LRRTM3: variants seen among roughly 807,000 people sequenced by gnomAD.
The protein encoded by LRRTM3 is leucine rich repeat transmembrane neuronal 3.
In LRRTM3, 24 loss-of-function variants were observed where a neutral mutation model predicts 44.7. The observed-to-expected ratio is 0.54, with a 90% CI of 0.39 to 0.76. LRRTM3 has a LOEUF of 0.76. Among genes scored for constraint, LRRTM3 ranks in the 30% least tolerant of loss-of-function variants. The pLI is 0.00. For missense variants in LRRTM3, 587 were observed against 702.2 expected (o/e 0.84, Z 1.85); for synonymous variants, 277 against 278.7 (o/e 0.99, Z 0.06).
Position 67,060,266 on chromosome 10 carries a change from C to T in LRRTM3, c.1537-37321C>T, listed in dbSNP as rs180764190. Among the ~76,000 whole-genome samples, 380 of 151,986 alleles carry T rather than the reference C, an allele frequency of 2.5e-3. 2 individuals carry two copies. Among genetic ancestry groups the T allele is most frequent in the Non-Finnish European group, 7.5e-4 (51 of 67,970 alleles). ...CTGGGAGGTAGAGGCTGCAGTGAGC[C>T]GAGATTGTGCCACTATACTCCAGCC... On this transcript the variant is annotated intron_variant, in intron 2 of 2. Coordinates refer to ENST00000361320, the MANE Select transcript of LRRTM3 (RefSeq NM_178011.5).
chr10:67,070,859 C>T (rs1303244328), intron 2 of LRRTM3, among the ~76,000 whole-genome samples: 2 of 152,068 alleles, frequency 1.3e-5, no homozygotes, highest in African/African-American at 2.4e-5. Context: ...TTACTATATT[C>T]TTTTTTTCTC....
chr10:66,959,474 C>T (rs998719067), intron 2 of LRRTM3, among the ~76,000 whole-genome samples: 1 of 152,038 alleles, frequency 6.6e-6, no homozygotes, highest in Admixed American at 6.6e-5. Context: ...GCCAAGAGAA[C>T]AAAAATATGC....
intron 2 of LRRTM3, among the ~76,000 whole-genome samples, chr10:67,080,827 T>C (rs1404680498): frequency 6.6e-6 from 1 of 151,368 alleles, no homozygotes; most frequent in African/African-American, 2.4e-5. Context: ...GAGAATGGCG[T>C]GAACCCGGGA....
chr10:67,042,668 G>A (rs2133151846), intron 2 of LRRTM3, among the ~76,000 whole-genome samples: 1 of 152,020 alleles, frequency 6.6e-6, no homozygotes, highest in Non-Finnish European at 1.5e-5. Flanking sequence ...GGTGAGGAAA[G>A]GTAAGAGTGG....
chr10:67,100,982 A>T lies in LRRTM3; in HGVS notation c.*3186A>T, dbSNP rs1858304086. On this transcript the variant is annotated 3_prime_UTR_variant, in exon 3 of 3. Transcript: ENST00000361320. Reference sequence around the variant, plus strand: ...GAATATATATCTATATATATTTGACATGTTGTTTAGTAATCCCTATTTTAA... The same window carrying T: ...GAATATATATCTATATATATTTGACTTGTTGTTTAGTAATCCCTATTTTAA... 6.6e-6 allele frequency among the ~76,000 whole-genome samples: 1 copy of T among 151,722 alleles called. No individual in the cohort carries two copies. Among genetic ancestry groups the T allele is most frequent in the Non-Finnish European group, 1.5e-5 (1 of 67,808 alleles).
intron 2 of LRRTM3, among the ~76,000 whole-genome samples, chr10:67,044,487 A>G (rs1279877284): frequency 6.6e-6 from 1 of 152,178 alleles, no homozygotes; most frequent in African/African-American, 2.4e-5. Flanking sequence ...ATGCAATGTT[A>G]GAAAGATCAC....
intron 2 of LRRTM3, among the ~76,000 whole-genome samples, chr10:66,984,277 G>T (rs1039112474): frequency 7.2e-5 from 11 of 152,194 alleles, no homozygotes; most frequent in African/African-American, 1.9e-4. Context: ...AAATCCAGAA[G>T]ATAGTTGATA....
intron 2 of LRRTM3, among the ~76,000 whole-genome samples, chr10:66,932,898 C>T (rs2204245): frequency 0.61 from 93,085 of 151,994 alleles, 30,638 homozygotes; most frequent in East Asian, 0.97. Context: ...TGGTAGAATA[C>T]GGGCCTTAGA....
At chr10:67,034,789 G>C (rs564198719) in intron 2 of LRRTM3, among the ~76,000 whole-genome samples, 52 of 152,176 alleles carry the variant, frequency 3.4e-4, no homozygotes, top group African/African-American at 1.2e-3. Context: ...TTTACAATTT[G>C]ACCCCCAACC....
rs572849021 is a variant in LRRTM3 at position 66,980,099 on chromosome 10, T to C, written c.1536+51647T>C. On this transcript the variant is annotated intron_variant, in intron 2 of 2. Transcript: ENST00000361320. ...ATAACTTGTAAAGCACCAACTGTAT[T>C]TCCTGGTTACTAATCAAATTTGTTT... is the stretch of plus-strand genomic sequence containing the variant. Among the ~76,000 whole-genome samples, 9 of 152,308 alleles carry C rather than the reference T, an allele frequency of 5.9e-5. No individual in the cohort carries two copies. In the South Asian group the frequency reaches 1.9e-3, roughly 32 times the overall value.
intron 2 of LRRTM3, among the ~76,000 whole-genome samples, chr10:66,948,961 T>C (rs1051344998): frequency 6.6e-6 from 1 of 152,198 alleles, no homozygotes; most frequent in Admixed American, 6.5e-5. Context: ...CCAGATCAGA[T>C]AAATTATAAT....
chr10:67,024,813 A>C (rs2133086024), intron 2 of LRRTM3, among the ~76,000 whole-genome samples: 1 of 152,274 alleles, frequency 6.6e-6, no homozygotes, highest in Non-Finnish European at 1.5e-5. Context: ...GTTATTTATA[A>C]CCAATATTAA....
At chr10:66,935,895 T>G (rs1847668384) in intron 2 of LRRTM3, among the ~76,000 whole-genome samples, 2 of 152,146 alleles carry the variant, frequency 1.3e-5, no homozygotes, top group Admixed American at 1.3e-4. Flanking sequence ...CTAAAATAAT[T>G]TATACCCCAC....
chr10:66,986,840 G>A (rs1564814180), intron 2 of LRRTM3, among the ~76,000 whole-genome samples: 1 of 152,122 alleles, frequency 6.6e-6, no homozygotes, highest in Non-Finnish European at 1.5e-5. Flanking sequence ...TTTAACAGAT[G>A]TTTATTGAAC....
intron 2 of LRRTM3, among the ~76,000 whole-genome samples, chr10:66,990,616 A>G (rs1188338984): frequency 6.6e-6 from 1 of 152,172 alleles, no homozygotes; most frequent in African/African-American, 2.4e-5. Flanking sequence ...ATGTTGCTCA[A>G]GATGACTCAG....
chr10:66,998,831 C>T (rs1170108348), intron 2 of LRRTM3, among the ~76,000 whole-genome samples: 1 of 151,968 alleles, frequency 6.6e-6, no homozygotes, highest in Non-Finnish European at 1.5e-5. Flanking sequence ...GTGGGAGATA[C>T]AAATAATGCA....
chr10:67,036,559 G>C (rs1048652479), intron 2 of LRRTM3, among the ~76,000 whole-genome samples: 2 of 151,964 alleles, frequency 1.3e-5, no homozygotes. Context: ...TTTTGGTAGA[G>C]ACAAGGTCTC....
chr10:67,079,962 A>G (rs1245029100), intron 2 of LRRTM3, among the ~76,000 whole-genome samples: 1 of 152,016 alleles, frequency 6.6e-6, no homozygotes, highest in Non-Finnish European at 1.5e-5. Context: ...AGAGGAGTAA[A>G]ATAAAAAATT....
At chr10:67,084,194 G>T (rs1202238971) in intron 2 of LRRTM3, among the ~76,000 whole-genome samples, 1 of 152,014 alleles carries the variant, frequency 6.6e-6, no homozygotes, top group Non-Finnish European at 1.5e-5. Flanking sequence ...GAAGCTCAGA[G>T]ATTTAAGCAA....
Sources: allele counts gnomAD v4.1 joint callset (sites outside exome capture counted in the v4.1 genomes callset), GRCh38; gene constraint gnomAD v4.1.1; transcripts MANE v1.5; gene names NCBI Gene and HGNC (gene_info 2026-07-23, HGNC 2026-07-21).